The following DNAJC24 variants were observed in gnomAD, a reference collection of about 807,000 sequenced individuals.
DNAJC24 encodes dnaJ homolog subfamily C member 24.
DNAJC24 carries 17 observed loss-of-function variants against 18.0 expected under a neutral mutation model. That is an observed-to-expected ratio of 0.94 (90% CI 0.65 to 1.42). DNAJC24 has a LOEUF of 1.42. DNAJC24 is among the 40% of genes most tolerant of loss of function. DNAJC24 has a pLI of 0.00. For synonymous variants in DNAJC24, 55 were observed against 57.7 expected (o/e 0.95, Z 0.21); for missense variants, 158 against 175.6 (o/e 0.90, Z 0.57).
intron 4 of DNAJC24, among the ~76,000 whole-genome samples, 167 bp from the exon 5 acceptor site, chr11:31,430,104 C>T (rs535186034): frequency 6.6e-5 from 10 of 152,274 alleles, no homozygotes; most frequent in African/African-American, 2.4e-4. Context: ...TTTTTAGAAA[C>T]ACTGCCCCTT....
chr11:31,371,977 C>A (rs983136880), intron 2 of DNAJC24, among the ~76,000 whole-genome samples: 19 of 151,758 alleles, frequency 1.3e-4, no homozygotes, highest in African/African-American at 4.6e-4. Flanking sequence ...CGCATGCCAC[C>A]ACGCCTGGCT....
chr11:31,400,008 G>C (rs187162177), intron 2 of DNAJC24, among the ~76,000 whole-genome samples: 2 of 152,010 alleles, frequency 1.3e-5, no homozygotes, highest in East Asian at 3.9e-4. Flanking sequence ...GAGAACATGT[G>C]GTGTTTGGTT....
At chr11:31,424,903 A>C (rs1952845674) in intron 3 of DNAJC24, among the ~76,000 whole-genome samples, 1 of 152,178 alleles carries the variant, frequency 6.6e-6, no homozygotes, top group Admixed American at 6.5e-5. Context: ...AGTGAACAAG[A>C]GACTAGTGAG....
intron 2 of DNAJC24, among the ~76,000 whole-genome samples, chr11:31,382,094 A>G (rs548995435): frequency 6.6e-6 from 1 of 152,296 alleles, no homozygotes; most frequent in Admixed American, 6.5e-5. Flanking sequence ...AACTGTTTCC[A>G]GGTGCTGTGG....
At chr11:31,380,669 T>G (rs1952367634) in intron 2 of DNAJC24, among the ~76,000 whole-genome samples, 2 of 152,202 alleles carry the variant, frequency 1.3e-5, no homozygotes, top group African/African-American at 4.8e-5. Flanking sequence ...ATAAACTTTA[T>G]TGAGGTATAA....
chr11:31,417,619 C>T (rs1001718721), intron 3 of DNAJC24, among the ~76,000 whole-genome samples: 15 of 152,000 alleles, frequency 9.9e-5, no homozygotes, highest in Admixed American at 5.9e-4. Flanking sequence ...GGTGATAATT[C>T]ATTGTAAACC....
At position 31,408,188 on chromosome 11, in the gene DNAJC24, A is replaced by G. The variant is rs1168153715; in HGVS notation, c.112-6623A>G. ...TGTCACAGGAAAATTTTTGTGAAGCACTCATCTTCTGACTTGCCCATGAAT... is the reference window on the plus strand; with the variant it reads ...TGTCACAGGAAAATTTTTGTGAAGCGCTCATCTTCTGACTTGCCCATGAAT... On this transcript the variant is annotated intron_variant, in intron 2 of 4. Transcript: ENST00000465995. 8.8e-6 allele frequency: 4 copies of G among 456,144 alleles called. No homozygotes were observed. The Admixed American group carries it at 9.4e-5, about 11-fold the overall frequency. The allele number at this position is 456,144 out of a possible 1,614,324, so 28.3% of individuals were successfully genotyped here. A position where few individuals can be genotyped will look rare whatever the true frequency, so the allele number is the denominator to read the frequency against.
At chr11:31,383,246 G>GCTACAAACCTATACAATATGTT (rs1952395801) in intron 2 of DNAJC24, among the ~76,000 whole-genome samples, 1 of 151,676 alleles carries the variant, frequency 6.6e-6, no homozygotes. Context: ...CCACTTCCTG[G>GCTACAAACCTATACAATATGTT]AGGTTGAGGG....
chr11:31,426,292 G>T lies in DNAJC24; in HGVS notation c.256G>T (p.Asp86Tyr). ...TCATGTTTTATGTTTTACAGAAGAT[G>T]ATCTAAGAAATGTAGGACCAGTAGA... ...REYDLQRCED[D>Y]LRNVGPVDAQ... The change falls in exon 4 of 5, where the codon GAT becomes TAT. Residue 86 changes from aspartate to tyrosine, a missense_variant. Physicochemically the swap from Asp to Tyr is radical, Grantham distance 160 (BLOSUM62 -3). Transcript: ENST00000465995. The T allele has an allele frequency of 2.6e-6, 4 of 1,536,262 alleles. No homozygotes were observed. The highest frequency in any genetic ancestry group is 2.4e-5 in the South Asian group (2 of 82,678).
At chr11:31,399,777 A>T (rs1436485582) in intron 2 of DNAJC24, among the ~76,000 whole-genome samples, 1 of 128,346 alleles carries the variant, frequency 7.8e-6, no homozygotes, top group Non-Finnish European at 1.6e-5. Flanking sequence ...AAGCTCCAGG[A>T]TACATATGCA....
chr11:31,413,369 C>T (rs1251326392), intron 2 of DNAJC24, among the ~76,000 whole-genome samples: 21 of 123,152 alleles, frequency 1.7e-4, no homozygotes, highest in African/African-American at 4.8e-4. Context: ...CTTGCTCTGT[C>T]GCCCAGGCTG....
Position 31,431,458 on chromosome 11 carries a change from T to G in DNAJC24, c.*1057T>G, listed in dbSNP as rs1231503555. On this transcript the variant is annotated 3_prime_UTR_variant, in exon 5 of 5. Transcript: ENST00000465995. ...GAGCCACCATGCCTGGCCAGAAGCT[T>G]TTTTAAAAATAATGACTTGGAAGTT... 1 of 150,492 alleles carries G rather than the reference T, an allele frequency of 6.6e-6. No individual in the cohort carries two copies. Among genetic ancestry groups the G allele is most frequent in the East Asian group, 2.0e-4 (1 of 4,926 alleles). 9.3% of individuals were successfully genotyped at this position (150,492 alleles called of 1,614,324 possible).
At chr11:31,379,713 A>T (rs1952356885) in intron 2 of DNAJC24, among the ~76,000 whole-genome samples, 1 of 152,204 alleles carries the variant, frequency 6.6e-6, no homozygotes, top group Non-Finnish European at 1.5e-5. Context: ...AAATCTGAGT[A>T]TAAATGCTCC....
intron 2 of DNAJC24, among the ~76,000 whole-genome samples, chr11:31,396,623 C>T (rs1487763196): frequency 5.9e-5 from 9 of 152,152 alleles, no homozygotes; most frequent in South Asian, 2.1e-4. Context: ...GCTACAGTAG[C>T]ACAGTAGTTT....
At chr11:31,406,847 A>G (rs1952662325) in intron 2 of DNAJC24, among the ~76,000 whole-genome samples, 1 of 151,742 alleles carries the variant, frequency 6.6e-6, no homozygotes, top group Non-Finnish European at 1.5e-5. Context: ...AAGAGGGGTT[A>G]CCCTAATATT....
chr11:31,377,875 T>C (rs1487496440), intron 2 of DNAJC24, among the ~76,000 whole-genome samples: 2 of 152,074 alleles, frequency 1.3e-5, no homozygotes, highest in Non-Finnish European at 2.9e-5. Context: ...TCCATGTAAT[T>C]TGAGTCAGGA....
intron 2 of DNAJC24, chr11:31,408,417 G>A: frequency 3.3e-6 from 1 of 303,354 alleles, no homozygotes; most frequent in Non-Finnish European, 6.5e-6. Context: ...GTAGCACTGA[G>A]GTGACACATT....
intron 2 of DNAJC24, among the ~76,000 whole-genome samples, chr11:31,402,712 C>T (rs1166000620): frequency 6.6e-6 from 1 of 152,128 alleles, no homozygotes; most frequent in Non-Finnish European, 1.5e-5. Context: ...CTCTCACTAC[C>T]TTGCTCAGGC....
At chr11:31,382,994 C>T (rs1370156730) in intron 2 of DNAJC24, among the ~76,000 whole-genome samples, 2 of 152,096 alleles carry the variant, frequency 1.3e-5, no homozygotes, top group East Asian at 3.8e-4. Flanking sequence ...CTTGTATTTA[C>T]ATACTCATTA....
Sources: gnomAD v4.1 joint callset for allele counts (sites outside exome capture counted in the v4.1 genomes callset) on GRCh38, gnomAD v4.1.1 for gene constraint, MANE v1.5 for transcripts, NCBI Gene and HGNC (gene_info 2026-07-23, HGNC 2026-07-21) for gene names.